The following GFOD2 variants were observed in gnomAD, a reference collection of about 807,000 sequenced individuals.
GFOD2 encodes Gfo/Idh/MocA-like oxidoreductase domain containing 2.
In GFOD2, 9 loss-of-function variants were observed where a neutral mutation model predicts 24.6. The ratio of observed to expected loss-of-function variants is 0.37; its 90% CI spans 0.22 to 0.64. GFOD2 has a LOEUF of 0.64. Ranked by LOEUF, GFOD2 falls within the 30% of genes least tolerant of loss-of-function variation. The pLI is 0.65. For missense variants in GFOD2, 476 were observed against 532.5 expected (o/e 0.89, Z 1.04); for synonymous variants, 211 against 224.8 (o/e 0.94, Z 0.55).
intron 2 of GFOD2, among the ~76,000 whole-genome samples, chr16:67,679,552 G>A (rs930643339): frequency 6.6e-6 from 1 of 152,070 alleles, no homozygotes; most frequent in Non-Finnish European, 1.5e-5. Context: ...TCTATGTTCT[G>A]TACTTTGAAA....
At chr16:67,707,263 CAGG>C (rs1469635016) in intron 1 of GFOD2, among the ~76,000 whole-genome samples, 1 of 142,340 alleles carries the variant, frequency 7.0e-6, no homozygotes, top group Non-Finnish European at 1.5e-5. Context: ...GAGGCTAAGG[CAGG>C]AGAATTGCTT....
intron 1 of GFOD2, among the ~76,000 whole-genome samples, chr16:67,718,674 C>T (rs2053523394): frequency 6.6e-6 from 1 of 152,218 alleles, no homozygotes; most frequent in African/African-American, 2.4e-5. Context: ...GGTGTCCCTT[C>T]TTCCACCTGT....
intron 1 of GFOD2, among the ~76,000 whole-genome samples, chr16:67,692,499 G>C (rs1487775965): frequency 1.3e-5 from 2 of 151,966 alleles, no homozygotes; most frequent in Non-Finnish European, 2.9e-5. Flanking sequence ...AGAATCGTTT[G>C]AACCCAGGAA....
intron 1 of GFOD2, among the ~76,000 whole-genome samples, chr16:67,718,405 T>C (rs1176763906): frequency 2.0e-5 from 3 of 152,246 alleles, no homozygotes; most frequent in Non-Finnish European, 2.9e-5. Context: ...AACTCTTCTA[T>C]CCTGCCTTGT....
intron 1 of GFOD2, among the ~76,000 whole-genome samples, chr16:67,687,468 G>A (rs1470082891): frequency 6.6e-6 from 1 of 151,564 alleles, no homozygotes; most frequent in Non-Finnish European, 1.5e-5. Context: ...GTGAAACCCT[G>A]TCTCTACTAA....
At chr16:67,694,085 CT>C (rs2053338381) in intron 1 of GFOD2, among the ~76,000 whole-genome samples, 2 of 152,036 alleles carry the variant, frequency 1.3e-5, no homozygotes, top group African/African-American at 4.8e-5. Context: ...CTCCCGAGCT[CT>C]GAGGCTGAGG....
intron 1 of GFOD2, among the ~76,000 whole-genome samples, chr16:67,706,456 G>A (rs527835866): frequency 6.6e-6 from 1 of 152,070 alleles, no homozygotes; most frequent in South Asian, 2.1e-4. Flanking sequence ...ATTCAATGGG[G>A]AAAAAAATTC....
Position 67,685,555 on chromosome 16 carries a change from G to A in GFOD2, c.161C>T (p.Thr54Ile). 1 of 1,614,180 alleles carries A rather than the reference G, an allele frequency of 6.2e-7. No individual in the cohort carries two copies. Among genetic ancestry groups the A allele is most frequent in the Non-Finnish European group, 8.5e-7 (1 of 1,180,024 alleles). Residue 54 changes from threonine (T) to isoleucine (I), a missense_variant, in exon 2 of 3, where the codon ACC becomes ATC. By Grantham distance (89) the Thr-to-Ile change is moderately conservative. Coordinates refer to ENST00000268797, the MANE Select transcript of GFOD2 (RefSeq NM_030819.4). Reference sequence around the variant, plus strand: ...CAGCAAGATGTCATCAGTCCGGCTGGTGTAGAAGGCGATGTTCATCTCCTC... The same window carrying A: ...CAGCAAGATGTCATCAGTCCGGCTGATGTAGAAGGCGATGTTCATCTCCTC... The part of the protein sequence containing the change: ...LAEEMNIAFY[T>I]SRTDDILLHQ...
intron 1 of GFOD2, among the ~76,000 whole-genome samples, chr16:67,707,613 T>G (rs1009726284): frequency 1.3e-5 from 2 of 152,098 alleles, no homozygotes; most frequent in African/African-American, 4.8e-5. Flanking sequence ...GGCCCCACAC[T>G]AGAAACAAAT....
intron 1 of GFOD2, among the ~76,000 whole-genome samples, chr16:67,687,751 C>T (rs1328516981): frequency 3.4e-5 from 5 of 148,318 alleles, no homozygotes; most frequent in Middle Eastern, 3.6e-3. Flanking sequence ...AGGAGGATTG[C>T]TTGAGATCAA....
chr16:67,705,399 G>T (rs981312386), intron 1 of GFOD2, among the ~76,000 whole-genome samples: 2 of 152,086 alleles, frequency 1.3e-5, no homozygotes, highest in East Asian at 3.9e-4. Context: ...GTAGAGACAG[G>T]GTTTTGCCAA....
At chr16:67,694,987 CTTTTTTTTTT>C (rs542893576) in intron 1 of GFOD2, among the ~76,000 whole-genome samples, 2 of 121,586 alleles carry the variant, frequency 1.6e-5, no homozygotes, top group East Asian at 2.4e-4. Flanking sequence ...CCATCTCTCT[CTTTTTTTTTT>C]TTTTTTTTTT....
chr16:67,695,800 T>C (rs1444822023), intron 1 of GFOD2, among the ~76,000 whole-genome samples: 2 of 151,954 alleles, frequency 1.3e-5, no homozygotes, highest in Non-Finnish European at 2.9e-5. Flanking sequence ...CCTCCCAAAG[T>C]GCTAAGATTA....
rs2053178274 is a variant in GFOD2, at chr16:67,675,584, C to T, written c.729G>A (p.Met243Ile). The T allele has an allele frequency of 6.2e-7, 1 of 1,613,428 alleles. No homozygotes were observed. The highest frequency in any genetic ancestry group is 8.5e-7 in the Non-Finnish European group (1 of 1,180,042). ...TGACTTCATGCACAAAGGCGCCTGG[C>T]ATGTTGAAGTTGAGTGTCACTGTGC... ...VCSTVTLNFN[M>I]PGAFVHEVMV... The change falls in exon 3 of 3, where the codon ATG becomes ATA. Residue 243 changes from methionine to isoleucine, a missense_variant. By Grantham distance (10) the Met-to-Ile change is conservative (BLOSUM62 1). Transcript: ENST00000268797.
chr16:67,692,729 T>TAAA (rs746077184), intron 1 of GFOD2, among the ~76,000 whole-genome samples: 7 of 128,522 alleles, frequency 5.4e-5, no homozygotes, highest in Non-Finnish European at 1.0e-4. Context: ...GGGAATAATT[T>TAAA]AAAAAAAAAA....
At chr16:67,692,257 G>A (rs1002144299) in intron 1 of GFOD2, among the ~76,000 whole-genome samples, 5 of 149,182 alleles carry the variant, frequency 3.4e-5, no homozygotes, top group Non-Finnish European at 7.4e-5. Context: ...AAAACATAGC[G>A]AGCTCTAATA....
At chr16:67,697,099 T>C (rs2053364748) in intron 1 of GFOD2, among the ~76,000 whole-genome samples, 1 of 152,238 alleles carries the variant, frequency 6.6e-6, no homozygotes, top group East Asian at 1.9e-4. Flanking sequence ...AGGAATGAAG[T>C]GTGCCTTGGC....
chr16:67,702,585 AG>A (rs2053410312), intron 1 of GFOD2, among the ~76,000 whole-genome samples: 1 of 148,122 alleles, frequency 6.8e-6, no homozygotes, highest in Non-Finnish European at 1.5e-5. Flanking sequence ...TCATGAAGGT[AG>A]CCAGGATTTT....
chr16:67,695,145 C>T (rs1243401281), intron 1 of GFOD2, among the ~76,000 whole-genome samples: 2 of 151,966 alleles, frequency 1.3e-5, no homozygotes, highest in East Asian at 1.9e-4. Context: ...TACAGGCACA[C>T]GCCACCATAC....
Sources: allele counts gnomAD v4.1 joint callset (sites outside exome capture counted in the v4.1 genomes callset), GRCh38; gene constraint gnomAD v4.1.1; transcripts MANE v1.5; gene names NCBI Gene and HGNC (gene_info 2026-07-23, HGNC 2026-07-21).